Variants in MLIP observed in about 807,000 individuals in gnomAD.
MLIP encodes muscular LMNA-interacting protein.
A neutral mutation model predicts 84.8 loss-of-function variants in MLIP; 79 were observed. That is an observed-to-expected ratio of 0.93 (90% CI 0.78 to 1.12). MLIP has a LOEUF of 1.12. Ranked by LOEUF, MLIP falls within the 50% of genes most tolerant of loss-of-function variation. The pLI is 0.00. For synonymous variants in MLIP, 504 were observed against 463.0 expected (o/e 1.09, Z -1.14); for missense variants, 1,257 against 1,160.6 (o/e 1.08, Z -1.21).
chr6:54,190,304 T>G (rs1055044862), intron 10 of MLIP, among the ~76,000 whole-genome samples: 1 of 152,124 alleles, frequency 6.6e-6, no homozygotes, highest in African/African-American at 2.4e-5. Flanking sequence ...AATAGATATG[T>G]CACACAGGAG....
upstream of MLIP, among the ~76,000 whole-genome samples, chr6:54,106,845 T>C (rs961213016): frequency 6.6e-6 from 1 of 152,256 alleles, no homozygotes; most frequent in Admixed American, 6.5e-5. Context: ...GGGAAATAAA[T>C]TGGAATTCAT....
intron 11 of MLIP, among the ~76,000 whole-genome samples, chr6:54,209,766 T>C (rs1779286244): frequency 6.6e-6 from 1 of 152,102 alleles, no homozygotes. Flanking sequence ...TAAGATAAAA[T>C]ACAAACTTTA....
At chr6:54,080,921 A>T (rs1401066914) in intron 1 of MLIP, among the ~76,000 whole-genome samples, 1 of 151,796 alleles carries the variant, frequency 6.6e-6, no homozygotes, top group Non-Finnish European at 1.5e-5. Context: ...TGGGTGAAAG[A>T]TTTATTCTCC....
chr6:54,081,544 G>C (rs1767151591), intron 1 of MLIP, among the ~76,000 whole-genome samples: 1 of 152,160 alleles, frequency 6.6e-6, no homozygotes, highest in Admixed American at 6.5e-5. Context: ...AAGTAGCTGG[G>C]ATTACAGGCG....
chr6:54,261,763 T>C, intron 13 of MLIP: 1 of 983,480 alleles, frequency 1.0e-6, no homozygotes, highest in African/African-American at 1.7e-5. Flanking sequence ...TCTCATTTTC[T>C]GGTTTGATTC....
rs115586798 is a variant in MLIP, at chr6:54,064,793, A to G, written c.63+45702A>G. On this transcript the variant is annotated intron_variant, in intron 1 of 12. Coordinates refer to the MLIP transcript ENST00000274897. ...ATCAGGGGGTCTCCCTATATATAAT[A>G]TATGTATTCACAATATATATGAATA... Among the ~76,000 whole-genome samples the G allele has an allele frequency of 9.6e-3, 947 of 99,156 alleles. 127 individuals carry two copies. Among genetic ancestry groups the G allele is most frequent in the African/African-American group, 0.023 (879 of 38,930 alleles). 65.1% of individuals were successfully genotyped at this position (99,156 alleles called of 152,430 possible). A position where few individuals can be genotyped will look rare whatever the true frequency, so the allele number is the denominator to read the frequency against.
At chr6:54,019,208 C>A in intron 1 of MLIP, 1 of 994,434 alleles carries the variant, frequency 1.0e-6, no homozygotes, top group South Asian at 1.5e-5. Context: ...TTTTGCTGGT[C>A]AATAACTTTA....
intron 12 of MLIP, among the ~76,000 whole-genome samples, chr6:54,254,742 C>CCCTCCATTCCTT (rs1554195171): frequency 8.0e-6 from 1 of 125,024 alleles, no homozygotes; most frequent in Non-Finnish European, 1.6e-5. Flanking sequence ...TTTTCTCCCT[C>CCCTCCATTCCTT]CCTTCCTTCC....
chr6:54,120,929 G>T (rs1380467955), intron 1 of MLIP, among the ~76,000 whole-genome samples: 1 of 152,160 alleles, frequency 6.6e-6, no homozygotes, highest in Admixed American at 6.5e-5. Flanking sequence ...AAGAATAAAT[G>T]AAGGAGAAGG....
chr6:54,094,644 T>C (rs1768090366), intron 1 of MLIP, among the ~76,000 whole-genome samples: 1 of 152,064 alleles, frequency 6.6e-6, no homozygotes, highest in Non-Finnish European at 1.5e-5. Flanking sequence ...TCTTGTTTTG[T>C]ACCCATAATT....
chr6:54,225,667 A>AT (rs1210512876), intron 11 of MLIP, among the ~76,000 whole-genome samples: 1 of 152,236 alleles, frequency 6.6e-6, no homozygotes, highest in Non-Finnish European at 1.5e-5. Flanking sequence ...TCAGTAGAAC[A>AT]TTAAAGAGTG....
rs764879017 is a variant in MLIP, at chr6:54,124,859, T to C, written c.639T>C (p.His213=). ...MLHGMAPQQK[H]GQLTSSPTTS... Reference sequence around the variant, plus strand: ...ATGGGATGGCCCCTCAGCAAAAGCATGGGCAGGTAGGTTTTGTGTTCCTGC... The same window carrying C: ...ATGGGATGGCCCCTCAGCAAAAGCACGGGCAGGTAGGTTTTGTGTTCCTGC... Residue 213 remains histidine (H), a synonymous_variant, in exon 3 of 14, where the codon CAT becomes CAC. Coordinates refer to ENST00000502396, the MANE Select transcript of MLIP (RefSeq NM_001281747.2). The C allele has an allele frequency of 6.3e-6, 10 of 1,581,412 alleles. No homozygotes were observed. The South Asian group carries it at 9.4e-5, about 15-fold the overall frequency.
chr6:54,073,391 T>C (rs1304201120), intron 1 of MLIP, among the ~76,000 whole-genome samples: 1 of 152,250 alleles, frequency 6.6e-6, no homozygotes, highest in Non-Finnish European at 1.5e-5. Flanking sequence ...AGTACATTCA[T>C]TTAGTCTATT....
chr6:54,151,449 A>C (rs1773436809), intron 5 of MLIP, among the ~76,000 whole-genome samples: 1 of 152,150 alleles, frequency 6.6e-6, no homozygotes, highest in East Asian at 1.9e-4. Context: ...AAAGGGATTT[A>C]TTTCTGAATT....
intron 1 of MLIP, among the ~76,000 whole-genome samples, chr6:54,117,764 G>A (rs192631578): frequency 2.3e-3 from 346 of 151,554 alleles, no homozygotes; most frequent in Middle Eastern, 3.4e-3. Context: ...GGCTAACATG[G>A]TGAAACCCCG....
At chr6:54,033,779 A>G (rs1479869722) in intron 1 of MLIP, among the ~76,000 whole-genome samples, 4 of 152,200 alleles carry the variant, frequency 2.6e-5, no homozygotes, top group Non-Finnish European at 4.4e-5. Flanking sequence ...TGTGTAATAA[A>G]CAAATAGTCA....
intron 11 of MLIP, among the ~76,000 whole-genome samples, chr6:54,229,507 A>T (rs1011246210): frequency 1.3e-5 from 2 of 152,038 alleles, no homozygotes; most frequent in African/African-American, 4.8e-5. Flanking sequence ...ATTCTTCCTG[A>T]TGCTCTCCCT....
At chr6:54,057,684 T>A (rs1429102635) in intron 1 of MLIP, among the ~76,000 whole-genome samples, 3 of 152,232 alleles carry the variant, frequency 2.0e-5, no homozygotes, top group African/African-American at 7.2e-5. Context: ...AGGCAGTTTT[T>A]TCCATTTGAG....
intron 1 of MLIP, among the ~76,000 whole-genome samples, chr6:54,102,825 G>T (rs1768752156): frequency 1.3e-5 from 2 of 152,170 alleles, no homozygotes; most frequent in South Asian, 4.2e-4. Flanking sequence ...TTCCAACTGG[G>T]GAGCCAGACA....
Sources: gnomAD v4.1 joint callset for allele counts (sites outside exome capture counted in the v4.1 genomes callset) on GRCh38, gnomAD v4.1.1 for gene constraint, MANE v1.5 for transcripts, NCBI Gene and HGNC (gene_info 2026-07-23, HGNC 2026-07-21) for gene names.